STAG3: variants seen among roughly 807,000 people sequenced by gnomAD.
STAG3 encodes cohesin subunit SA-3.
Under a neutral mutation model 160.7 loss-of-function variants are expected in STAG3, and 101 were observed. The observed-to-expected ratio is 0.63, with a 90% confidence interval of 0.54 to 0.74. The LOEUF (loss-of-function observed/expected upper bound fraction) is 0.74. Among genes scored for constraint, STAG3 ranks in the 30% least tolerant of loss-of-function variants. The probability of loss-of-function intolerance (pLI) is 0.00; values close to 1 mark genes in which losing one functional copy is unlikely to be tolerated. For synonymous variants in STAG3, 519 were observed against 585.0 expected (o/e 0.89, Z 1.63); for missense variants, 1,188 against 1,517.4 (o/e 0.78, Z 3.61).
intron 29 of STAG3, among the ~76,000 whole-genome samples, chr7:100,209,046 C>T (rs1335573884): frequency 6.6e-6 from 1 of 152,098 alleles, no homozygotes. Context: ...GGGACACTTA[C>T]AAGGTGTCTC....
At chr7:100,215,486 A>T (rs550531447), downstream of STAG3, among the ~76,000 whole-genome samples, 2 of 152,322 alleles carry the variant, frequency 1.3e-5, no homozygotes, top group East Asian at 3.9e-4. Context: ...ATTCAGGTAG[A>T]ATAGTTCTGG....
At position 100,211,531 on chromosome 7, in the gene STAG3, G is replaced by A; in HGVS notation, c.3510G>A (p.Gln1170=). The change falls in exon 31 of 34, where the codon CAG becomes CAA. Residue 1170 remains glutamine (Q), a synonymous_variant. Coordinates refer to ENST00000615138, the MANE Select transcript of STAG3 (RefSeq NM_001282717.2). Reference sequence around the variant, plus strand: ...CTTCAGGTCCTGGCCTGGGCAACCAGCTGATGCGGTGAGCTTTTCTCATCA... The same window carrying A: ...CTTCAGGTCCTGGCCTGGGCAACCAACTGATGCGGTGAGCTTTTCTCATCA... ...HNPSGPGLGN[Q]LMRLSLMEED... The A allele has an allele frequency of 6.2e-7, 1 of 1,613,550 alleles. No individual in the cohort carries two copies.
chr7:100,201,295 G>A lies in STAG3; in HGVS notation c.2164G>A (p.Glu722Lys). Residue 722 changes from glutamate (E) to lysine (K), a missense_variant, in exon 21 of 34, where the codon GAG becomes AAG. Around this residue, in one of 4 missense-constraint regions of STAG3, gnomAD observed 647 missense variants for 717.2 expected, o/e 0.90. Coordinates refer to ENST00000615138, the MANE Select transcript of STAG3 (RefSeq NM_001282717.2). ...THDLTRWELY[E>K]PCCQLLQKAV... ...TGACCTGACTCGCTGGGAGCTCTAT[G>A]AGCCATGTTGCCAACTCCTGCAGAA... 1 of 1,614,102 alleles carries A rather than the reference G, an allele frequency of 6.2e-7. No individual in the cohort carries two copies.
chr7:100,202,081 C>T (rs768213484), intron 23 of STAG3, 40 bp downstream of exon 23: 54 of 1,611,320 alleles, frequency 3.4e-5, no homozygotes, highest in Admixed American at 3.3e-5. Context: ...GGCGAGTATC[C>T]CTGCCCCCAT....
rs775804304 is a variant in STAG3 at position 100,195,378 on chromosome 7, T to A, written c.937T>A (p.Tyr313Asn). 1.2e-6 allele frequency: 2 copies of A among 1,613,936 alleles called. No individual in the cohort carries two copies. Among genetic ancestry groups the A allele is most frequent in the Admixed American group, 1.7e-5 (1 of 59,990 alleles). The change falls in exon 9 of 34, where the codon TAC becomes AAC. Residue 313 changes from tyrosine (Y) to asparagine (N), a missense_variant. Tyr to Asn is a moderately radical substitution (Grantham distance 143). Transcript: ENST00000615138. ...CTTCAGGGGTGTCTTTGTTCATCGG[T>A]ACAGGTGAGCTAATGGGCCTCTCTC... ...ALFRGVFVHR[Y>N]RDVLPEIRAI...
intron 5 of STAG3, among the ~76,000 whole-genome samples, chr7:100,186,809 C>T (rs1434016455): frequency 6.6e-6 from 1 of 152,168 alleles, no homozygotes; most frequent in Admixed American, 6.5e-5. Flanking sequence ...AGTAATCACG[C>T]TTATGTTATG....
rs1023819968 is a variant in STAG3 at position 100,205,539 on chromosome 7, A to G, written c.3238+155A>G. The stretch of plus-strand genomic sequence containing the variant: ...AGTCAACTGAAAACCTGTATTAAAA[A>G]TCAAATAGAGGGCCAGGTGTGGTGG... On this transcript the variant is annotated intron_variant, in intron 29 of 33. Transcript: ENST00000615138. Among the ~76,000 whole-genome samples the G allele has an allele frequency of 5.3e-5, 8 of 152,184 alleles. No individual in the cohort carries two copies. In the East Asian group the frequency reaches 1.4e-3, roughly 26 times the overall value.
chr7:100,199,306 T>C lies in STAG3; in HGVS notation c.1512T>C (p.Cys504=), dbSNP rs1201931554. Residue 504 remains cysteine (C), a synonymous_variant, in exon 15 of 34, where the codon TGT becomes TGC. Transcript: ENST00000615138. The part of the protein sequence containing the change: ...AAYLVDSLWD[C]AGARLKDWEG... ...ACTTAGTAGACAGTCTGTGGGACTG[T>C]GCAGGGGCTCGGCTGAAGGACTGGG... 6.2e-7 allele frequency: 1 copy of C among 1,614,164 alleles called. No individual in the cohort carries two copies. The highest frequency in any genetic ancestry group is 8.5e-7 in the Non-Finnish European group (1 of 1,180,026).
intron 1 of STAG3, 78 bp from the exon 2 acceptor site, chr7:100,180,415 T>C: frequency 3.1e-6 from 2 of 651,966 alleles, no homozygotes; most frequent in Non-Finnish European, 5.5e-6. Flanking sequence ...AACCATTCCC[T>C]TGGAAAGAAA....
rs756105314 is a variant in STAG3, at chr7:100,199,341, C to T, written c.1547C>T (p.Thr516Ile). ...CGGCTGAAGGACTGGGAGGGTCTGACAAGCCTGCTGCTGGAGAAGGACCAG... is the reference window on the plus strand; with the variant it reads ...CGGCTGAAGGACTGGGAGGGTCTGATAAGCCTGCTGCTGGAGAAGGACCAG... ...GARLKDWEGL[T>I]SLLLEKDQNL... Residue 516 changes from threonine (T) to isoleucine (I), a missense_variant, in exon 15 of 34, where the codon ACA (threonine) becomes ATA (isoleucine). By Grantham distance (89) the Thr-to-Ile change is moderately conservative (BLOSUM62 -1). This residue lies in a region of STAG3 where 240 missense variants were observed against 358.1 expected (regional missense o/e 0.67). Transcript: ENST00000615138. The T allele has an allele frequency of 4.3e-6, 7 of 1,614,104 alleles. No homozygotes were observed. The South Asian group carries it at 7.7e-5, about 18-fold the overall frequency.
Position 100,182,083 on chromosome 7 carries a change from C to T in STAG3, c.117-7C>T, listed in dbSNP as rs1325385775. ...TTATATTTAAAGAGAACCATACTTT[C>T]TCACAGGAATGGCGACTCTTTGTTA... On this transcript the variant is annotated splice_region_variant and splice_polypyrimidine_tract_variant and intron_variant, in intron 2 of 33. Transcript: ENST00000615138. 7.4e-6 allele frequency: 12 copies of T among 1,611,050 alleles called. No individual in the cohort carries two copies. Among genetic ancestry groups the T allele is most frequent in the Admixed American group, 5.0e-5 (3 of 59,960 alleles).
downstream of STAG3, among the ~76,000 whole-genome samples, chr7:100,217,482 TCTC>T (rs996224309): frequency 7.9e-5 from 12 of 152,066 alleles, no homozygotes; most frequent in African/African-American, 2.4e-4. Context: ...TGTGGGTTTT[TCTC>T]CTCCTGTGCG....
Position 100,202,517 on chromosome 7 carries a change from GGT to G in STAG3, c.2628_2629del (p.Phe877LeufsTer27). Reference sequence around the variant, plus strand: ...CACCAGCGGCGCCGCCTCCTAGCCGGGTTCTGCAAGCTGTTGCTTTATGGGGT... The same window carrying G: ...CACCAGCGGCGCCGCCTCCTAGCCGGTCTGCAAGCTGTTGCTTTATGGGGT... On this transcript the variant is annotated frameshift_variant, in exon 25 of 34. Transcript: ENST00000615138. LOFTEE classifies it high-confidence loss of function. The G allele has an allele frequency of 1.2e-6, 2 of 1,614,152 alleles. No homozygotes were observed. The highest frequency in any genetic ancestry group is 1.7e-6 in the Non-Finnish European group (2 of 1,180,018).
rs1801473497 is a variant in STAG3 at position 100,204,749 on chromosome 7, C to G, written c.2925C>G (p.Asn975Lys). Residue 975 changes from asparagine to lysine, a missense_variant, in exon 27 of 34, where the codon AAC (asparagine) becomes AAG (lysine). Asn to Lys is a moderately conservative substitution (Grantham distance 94). Coordinates refer to ENST00000615138, the MANE Select transcript of STAG3 (RefSeq NM_001282717.2). ...GTTTTGGACCCCAGCAGCTGCAGAACCGTGACCTCGTGGTCATGCTACACA... is the reference window on the plus strand; with the variant it reads ...GTTTTGGACCCCAGCAGCTGCAGAAGCGTGACCTCGTGGTCATGCTACACA... ...ALSFGPQQLQ[N>K]RDLVVMLHKE... 6.2e-7 allele frequency: 1 copy of G among 1,613,846 alleles called. No individual in the cohort carries two copies. The highest frequency in any genetic ancestry group is 1.1e-5 in the South Asian group (1 of 91,070).
rs1369183686 is a variant in STAG3 at position 100,199,682 on chromosome 7, T to A, written c.1677+38T>A. ...GGTAGAGTGGGTAGGTCAGCAATAC[T>A]CAGTCTTGACAGGCAATGTGCATCC... On this transcript the variant is annotated intron_variant, in intron 16 of 33. Coordinates refer to ENST00000615138, the MANE Select transcript of STAG3 (RefSeq NM_001282717.2). The A allele has an allele frequency of 3.4e-6, 5 of 1,465,728 alleles. No individual in the cohort carries two copies. The East Asian group carries it at 1.2e-4, about 34-fold the overall frequency. 90.8% of individuals were successfully genotyped at this position (1,465,728 alleles called of 1,614,324 possible). A position where few individuals can be genotyped will look rare whatever the true frequency, so the allele number is the denominator to read the frequency against.
In STAG3 at chr7:100,201,802, T is replaced by G; in HGVS notation, c.2237T>G (p.Leu746Trp). 6.2e-7 allele frequency: 1 copy of G among 1,614,206 alleles called. No homozygotes were observed. Among genetic ancestry groups the G allele is most frequent in the Non-Finnish European group, 8.5e-7 (1 of 1,180,018 alleles). Reference protein sequence around the residue: ...EVPHQVILPALTLVYFSILWT... With the variant: ...EVPHQVILPAWTLVYFSILWT... ...TTGTTACAGGTTATCCTGCCAGCCT[T>G]GACTCTTGTCTATTTTTCCATTCTC... The change falls in exon 22 of 34, where the codon TTG becomes TGG. Residue 746 changes from leucine (L) to tryptophan (W), a missense_variant. Coordinates refer to ENST00000615138, the MANE Select transcript of STAG3 (RefSeq NM_001282717.2).
In STAG3 at chr7:100,197,176, G is replaced by A. The variant is rs1031011371; in HGVS notation, c.962G>A (p.Arg321His). ...HRYRDVLPEI[R>H]AICIEEIGCW... is the part of the protein sequence containing the mutation. ...TCTAGGGATGTCCTTCCTGAGATCCGTGCTATCTGCATTGAGGAAATTGGG... is the reference window on the plus strand; with the variant it reads ...TCTAGGGATGTCCTTCCTGAGATCCATGCTATCTGCATTGAGGAAATTGGG... Residue 321 changes from arginine (R) to histidine (H), a missense_variant, in exon 10 of 34, where the codon CGT becomes CAT. Physicochemically the swap from Arg to His is conservative, Grantham distance 29 (BLOSUM62 0). Transcript: ENST00000615138. 11 of 1,601,690 alleles carry A rather than the reference G, an allele frequency of 6.9e-6. No homozygotes were observed. The highest frequency in any genetic ancestry group is 1.1e-5 in the South Asian group (1 of 90,544).
At chr7:100,181,823 C>T (rs1210849024) in intron 2 of STAG3, among the ~76,000 whole-genome samples, 1 of 150,834 alleles carries the variant, frequency 6.6e-6, no homozygotes, top group Admixed American at 6.7e-5. Context: ...ATCGCTTGAA[C>T]CTGGGAGGCG....
In STAG3 at chr7:100,180,603, T is replaced by C. The variant is rs1799583774; in HGVS notation, c.47T>C (p.Leu16Ser). ...GCTGTGGGAGATACCAAGAGGGCCT[T>C]GTCTGCATCTTCTAGTTCCTCTGCC... is the stretch of plus-strand genomic sequence containing the variant. ...QRAVGDTKRA[L>S]SASSSSSASL... The change falls in exon 2 of 34, where the codon TTG becomes TCG. Residue 16 changes from leucine to serine, a missense_variant. Leu to Ser is a moderately radical substitution (Grantham distance 145). Coordinates refer to ENST00000615138, the MANE Select transcript of STAG3 (RefSeq NM_001282717.2). The C allele has an allele frequency of 1.2e-6, 2 of 1,613,742 alleles. No individual in the cohort carries two copies. Among genetic ancestry groups the C allele is most frequent in the East Asian group, 2.2e-5 (1 of 44,882 alleles).
Sources: gnomAD v4.1 joint callset for allele counts (sites outside exome capture counted in the v4.1 genomes callset) on GRCh38, gnomAD v4.1.1 for gene constraint, gnomAD v4.1.1 regional missense constraint, MANE v1.5 for transcripts, NCBI Gene and HGNC (gene_info 2026-07-23, HGNC 2026-07-21) for gene names.